SBF2: variants seen among roughly 807,000 people sequenced by gnomAD.
The protein encoded by SBF2 is SET binding factor 2, also known as myotubularin-related protein 13.
Under a neutral mutation model 225.2 loss-of-function variants are expected in SBF2, and 112 were observed. The ratio of observed to expected loss-of-function variants is 0.50; its 90% CI spans 0.43 to 0.58. The LOEUF is 0.58. Ranked by LOEUF, SBF2 falls within the 20% of genes least tolerant of loss-of-function variation. The pLI is 0.00. For missense variants in SBF2, 1,996 were observed against 2,206.2 expected (o/e 0.90, Z 1.91); for synonymous variants, 763 against 773.3 (o/e 0.99, Z 0.22).
intron 2 of SBF2, among the ~76,000 whole-genome samples, chr11:10,190,514 C>T (rs1198535439): frequency 1.3e-5 from 2 of 152,114 alleles, no homozygotes; most frequent in Non-Finnish European, 1.5e-5. Context: ...AAATAGAAGG[C>T]AATTTCTTTA....
In SBF2 at chr11:9,785,325, A is replaced by AAGACAGGACAGGAGCTAGG. The variant is rs1564850719; in HGVS notation, c.5038-26_5038-8dup. On this transcript the variant is annotated splice_region_variant and splice_polypyrimidine_tract_variant and intron_variant, in intron 36 of 39. Coordinates refer to ENST00000256190, the MANE Select transcript of SBF2 (RefSeq NM_030962.4). The stretch of plus-strand genomic sequence containing the variant: ...TCGACAGGTGTCTTTGGGACTGAAA[A>AAGACAGGACAGGAGCTAGG]AGACAGGACAGGAGCTAGGAAACCT... 5 of 1,613,174 alleles carry AAGACAGGACAGGAGCTAGG rather than the reference A, an allele frequency of 3.1e-6. No homozygotes were observed. Among genetic ancestry groups the AAGACAGGACAGGAGCTAGG allele is most frequent in the Non-Finnish European group, 4.2e-6 (5 of 1,179,192 alleles).
intron 1 of SBF2, among the ~76,000 whole-genome samples, chr11:10,258,418 A>G (rs1961094096): frequency 6.6e-6 from 1 of 152,228 alleles, no homozygotes; most frequent in Non-Finnish European, 1.5e-5. Flanking sequence ...CAAGAGGTAA[A>G]TAAGTAAAGA....
At chr11:9,916,598 C>CT (rs538961208) in intron 16 of SBF2, among the ~76,000 whole-genome samples, 68,744 of 138,372 alleles carry the variant, frequency 0.5, 17,773 homozygotes, top group African/African-American at 0.56. Flanking sequence ...CTTTCTTTTC[C>CT]TTTTTTTTCT....
At chr11:10,270,868 G>C (rs1420394382) in intron 1 of SBF2, among the ~76,000 whole-genome samples, 3 of 151,804 alleles carry the variant, frequency 2.0e-5, no homozygotes, top group African/African-American at 7.3e-5. Flanking sequence ...GGTGGCGGGG[G>C]CCTGTAGTCC....
chr11:9,877,722 G>A (rs1438963310), intron 17 of SBF2, among the ~76,000 whole-genome samples: 1 of 152,166 alleles, frequency 6.6e-6, no homozygotes, highest in Non-Finnish European at 1.5e-5. Flanking sequence ...CAAATGACAT[G>A]AACGCATCCT....
chr11:10,264,459 T>A (rs953670825), intron 1 of SBF2, among the ~76,000 whole-genome samples: 2 of 152,174 alleles, frequency 1.3e-5, no homozygotes, highest in Non-Finnish European at 2.9e-5. Flanking sequence ...GTATAATTGC[T>A]CATTCAATAT....
At chr11:9,813,907 A>T (rs1170011359) in intron 29 of SBF2, among the ~76,000 whole-genome samples, 1 of 152,058 alleles carries the variant, frequency 6.6e-6, no homozygotes, top group African/African-American at 2.4e-5. Context: ...ACACCACTGC[A>T]CTCCAGCGTG....
At chr11:9,814,983 G>C (rs1854376870) in intron 29 of SBF2, among the ~76,000 whole-genome samples, 1 of 152,096 alleles carries the variant, frequency 6.6e-6, no homozygotes, top group South Asian at 2.1e-4. Context: ...AAAAGGTATG[G>C]AATTGTAACT....
chr11:10,271,964 G>C lies in SBF2; in HGVS notation c.55+22051C>G. ...GGAAAGGGCTGAAATATCTCTAAAA[G>C]TTAGGTAAAAGTGTTTTCTTGAGAC... On this transcript the variant is annotated intron_variant, in intron 1 of 39. Transcript: ENST00000256190. 2 of 691,168 alleles carry C rather than the reference G, an allele frequency of 2.9e-6. 1 individual carries two copies. Among genetic ancestry groups the C allele is most frequent in the East Asian group, 6.0e-5 (2 of 33,378 alleles). The allele number at this position is 691,168 out of a possible 1,614,324, so 42.8% of individuals were successfully genotyped here.
chr11:10,101,441 G>C (rs897591482), intron 2 of SBF2, among the ~76,000 whole-genome samples: 1 of 152,122 alleles, frequency 6.6e-6, no homozygotes, highest in Non-Finnish European at 1.5e-5. Flanking sequence ...GCAAAATTGA[G>C]AATCTTTTGC....
intron 1 of SBF2, among the ~76,000 whole-genome samples, chr11:10,211,014 C>CAAAGAAAAAAAAA: frequency 3.0e-5 from 1 of 33,054 alleles, no homozygotes; most frequent in African/African-American, 8.1e-5. Flanking sequence ...ACTCTTGACT[C>CAAAGAAAAAAAAA]AAAAAAAAAA....
chr11:9,993,578 G>C (rs751611286), intron 10 of SBF2, among the ~76,000 whole-genome samples: 7 of 152,168 alleles, frequency 4.6e-5, no homozygotes, highest in Non-Finnish European at 8.8e-5. Flanking sequence ...ATTCTTGTAA[G>C]CATCTCTTTT....
chr11:9,826,493 A>T (rs1245795578), intron 28 of SBF2, among the ~76,000 whole-genome samples: 1 of 152,186 alleles, frequency 6.6e-6, no homozygotes. Context: ...AGCAAGCCTG[A>T]CAAGAGTTTT....
chr11:9,906,541 T>C (rs544639724), intron 16 of SBF2, among the ~76,000 whole-genome samples: 26 of 152,312 alleles, frequency 1.7e-4, no homozygotes, highest in African/African-American at 6.3e-4. Flanking sequence ...CAAATGCTGA[T>C]TGCAAAATAT....
intron 2 of SBF2, among the ~76,000 whole-genome samples, chr11:10,057,374 A>G (rs1950291921): frequency 2.0e-5 from 3 of 152,168 alleles, no homozygotes. Context: ...CTAACAAAGG[A>G]GCAAAGACCC....
In SBF2 at chr11:10,231,790, A is replaced by G. The variant is rs892385547; in HGVS notation, c.56-37803T>C. The stretch of plus-strand genomic sequence containing the variant: ...TTGAGGAGGCAGTCTGCCAGTTCTC[A>G]GATCTCAAGCTGCGTGCTGGGAGAA... On this transcript the variant is annotated intron_variant, in intron 1 of 39. Coordinates refer to ENST00000256190, the MANE Select transcript of SBF2 (RefSeq NM_030962.4). Among the ~76,000 whole-genome samples, 8 of 152,328 alleles carry G rather than the reference A, an allele frequency of 5.3e-5. No homozygotes were observed. In the East Asian group the frequency reaches 1.4e-3, roughly 26 times the overall value.
intron 2 of SBF2, among the ~76,000 whole-genome samples, chr11:10,147,939 T>C (rs551817134): frequency 6.6e-6 from 1 of 152,150 alleles, no homozygotes. Context: ...GATTCCTAAA[T>C]CTCTAAAACA....
At chr11:10,014,619 G>A (rs11042589) in intron 6 of SBF2, among the ~76,000 whole-genome samples, 2,954 of 150,334 alleles carry the variant, frequency 0.02, 146 homozygotes, top group East Asian at 0.19. Flanking sequence ...AGTTACTAAA[G>A]TAACTTAGTT....
chr11:9,978,362 T>C (rs1002594015), intron 13 of SBF2, among the ~76,000 whole-genome samples: 2 of 152,210 alleles, frequency 1.3e-5, no homozygotes, highest in Non-Finnish European at 2.9e-5. Flanking sequence ...TTACTTGTCA[T>C]GTCTGTGTAT....
Sources: gnomAD v4.1 joint callset for allele counts (sites outside exome capture counted in the v4.1 genomes callset) on GRCh38, gnomAD v4.1.1 for gene constraint, MANE v1.5 for transcripts, NCBI Gene and HGNC (gene_info 2026-07-23, HGNC 2026-07-21) for gene names.